Variants in UBTF observed in about 807,000 individuals in gnomAD.
The protein encoded by UBTF is nucleolar transcription factor 1.
A neutral mutation model predicts 112.3 loss-of-function variants in UBTF; 8 were observed. The observed-to-expected ratio is 0.07, with a 90% confidence interval of 0.04 to 0.13. UBTF has a LOEUF of 0.13. Ranked by LOEUF, UBTF falls within the 10% of genes least tolerant of loss-of-function variation. The pLI is 1.00. For missense variants in UBTF, 457 were observed against 982.1 expected (o/e 0.47, Z 7.15); for synonymous variants, 417 against 373.1 (o/e 1.12, Z -1.36).
Position 44,209,736 on chromosome 17 carries a change from G to A in UBTF, c.1627-3C>T, listed in dbSNP as rs561964090. 3.1e-6 allele frequency: 5 copies of A among 1,614,004 alleles called. No homozygotes were observed. The South Asian group carries it at 3.3e-5, about 11-fold the overall frequency. ...GCCCGCATCTCACTCAGCTCTCTCT[G>A]GAGGGAGAAAGGTCACGCTCACCCC... is the stretch of plus-strand genomic sequence containing the variant. On this transcript the variant is annotated splice_region_variant and splice_polypyrimidine_tract_variant and intron_variant, in intron 15 of 20. Coordinates refer to ENST00000436088, the MANE Select transcript of UBTF (RefSeq NM_014233.4).
Position 44,209,576 on chromosome 17 carries a change from C to T in UBTF, c.1716-35G>A, listed in dbSNP as rs372716400. 3.3e-5 allele frequency: 54 copies of T among 1,613,178 alleles called. No homozygotes were observed. The Middle Eastern group carries it at 6.6e-4, about 20-fold the overall frequency. The stretch of plus-strand genomic sequence containing the variant: ...GGGTTGGTAGAAGGAGGGTCAGGAC[C>T]CCAACAAAGCAGCCATCCAGCCCTG... On this transcript the variant is annotated intron_variant, in intron 16 of 20. Transcript: ENST00000436088.
rs73983959 is a variant in UBTF at position 44,213,411 on chromosome 17, C to T, written c.475-129G>A. 5.1e-3 allele frequency: 5,006 copies of T among 978,248 alleles called. 162 individuals carry two copies. The African/African-American group carries it at 0.07, about 14-fold the overall frequency. 60.6% of individuals were successfully genotyped at this position (978,248 alleles called of 1,614,324 possible). A position where few individuals can be genotyped will look rare whatever the true frequency, so the allele number is the denominator to read the frequency against. Reference sequence around the variant, plus strand: ...CTGTGATGCAGGGAGTGGAGGCTGGCGCCCTGCCCGCCTCCTGGCGGGACT... The same window carrying T: ...CTGTGATGCAGGGAGTGGAGGCTGGTGCCCTGCCCGCCTCCTGGCGGGACT... On this transcript the variant is annotated intron_variant, in intron 5 of 20. Transcript: ENST00000436088.
At position 44,210,166 on chromosome 17, in the gene UBTF, C is replaced by G. The variant is rs2056560144; in HGVS notation, c.1584G>C (p.Leu528=). The G allele has an allele frequency of 1.2e-6, 2 of 1,614,248 alleles. No individual in the cohort carries two copies. The highest frequency in any genetic ancestry group is 1.6e-4 in the Middle Eastern group (1 of 6,062). The part of the protein sequence containing the change: ...TWNNMEKKEK[L]MWIKKAAEDQ... ...CTTCGGCTGCCTTCTTAATCCACATCAGTTTCTCCTTCTTTTCCATGTTAT... is the reference window on the plus strand; with the variant it reads ...CTTCGGCTGCCTTCTTAATCCACATGAGTTTCTCCTTCTTTTCCATGTTAT... The change falls in exon 15 of 21, where the codon CTG becomes CTC. Residue 528 remains leucine, a synonymous_variant. Coordinates refer to ENST00000436088, the MANE Select transcript of UBTF (RefSeq NM_014233.4).
Position 44,209,738 on chromosome 17 carries a change from A to T in UBTF, c.1627-5T>A. The T allele has an allele frequency of 6.2e-7, 1 of 1,613,806 alleles. No homozygotes were observed. Among genetic ancestry groups the T allele is most frequent in the Non-Finnish European group, 8.5e-7 (1 of 1,179,914 alleles). ...CCGCATCTCACTCAGCTCTCTCTGG[A>T]GGGAGAAAGGTCACGCTCACCCCCC... On this transcript the variant is annotated splice_region_variant and splice_polypyrimidine_tract_variant and intron_variant, in intron 15 of 20. Coordinates refer to ENST00000436088, the MANE Select transcript of UBTF (RefSeq NM_014233.4).
Position 44,209,991 on chromosome 17 carries a change from A to G in UBTF, c.1626+133T>C. ...CACCCCCACCTTACTGATGAGAGAC[A>G]GAGGTTCAGAGAAGGAAGCTGAGAC... is the stretch of plus-strand genomic sequence containing the variant. On this transcript the variant is annotated intron_variant, in intron 15 of 20. Transcript: ENST00000436088. 1.0e-5 allele frequency: 10 copies of G among 972,350 alleles called. No homozygotes were observed. The South Asian group carries it at 1.3e-4, about 13-fold the overall frequency. The allele number at this position is 972,350 out of a possible 1,614,324, so 60.2% of individuals were successfully genotyped here.
intron 13 of UBTF, 95 bp from the exon 14 acceptor site, chr17:44,210,568 G>T: frequency 1.4e-6 from 2 of 1,446,382 alleles, no homozygotes; most frequent in Non-Finnish European, 1.8e-6. Context: ...GCGGGCAGAA[G>T]CATGGGCTGG....
intron 1 of UBTF, 199 bp from the exon 2 acceptor site, chr17:44,218,495 G>A (rs1392486277): frequency 2.2e-6 from 1 of 446,892 alleles, no homozygotes; most frequent in Admixed American, 4.6e-5. Context: ...CCTGCAGCCC[G>A]GCTCCGCGGC....
chr17:44,212,181 G>C, intron 8 of UBTF, 163 bp downstream of exon 8: 4 of 410,708 alleles, frequency 9.7e-6, no homozygotes, highest in Non-Finnish European at 1.8e-5. Context: ...ATCTCATGGG[G>C]GTGGGGGGTG....
rs959448498 is a variant in UBTF, at chr17:44,206,942, C to G, written c.*300G>C. On this transcript the variant is annotated 3_prime_UTR_variant, in exon 21 of 21. Transcript: ENST00000436088. ...CCCACTCTCCGGTCCATTGTCCATG[C>G]CGGAACCGCAAGTGCAGAAGTGGGT... 3 of 495,116 alleles carry G rather than the reference C, an allele frequency of 6.1e-6. No homozygotes were observed. The highest frequency in any genetic ancestry group is 1.1e-5 in the Non-Finnish European group (3 of 282,016). The allele number at this position is 495,116 out of a possible 1,614,324, so 30.7% of individuals were successfully genotyped here.
intron 7 of UBTF, 80 bp downstream of exon 7, chr17:44,212,739 C>A (rs973824830): frequency 1.8e-5 from 28 of 1,582,600 alleles, no homozygotes; most frequent in Admixed American, 6.8e-5. Flanking sequence ...TCCCCTGCAC[C>A]GTGCCCGGCC....
At position 44,210,479 on chromosome 17, in the gene UBTF, G is replaced by T; in HGVS notation, c.1360-6C>A. The T allele has an allele frequency of 6.3e-7, 1 of 1,596,092 alleles. No individual in the cohort carries two copies. Among genetic ancestry groups the T allele is most frequent in the East Asian group, 2.2e-5 (1 of 44,556 alleles). ...TCTCGGGCCTTGTACTTGGCCTGCG[G>T]GGATGGCCCGGGCGTCAGCCTTCCA... On this transcript the variant is annotated splice_region_variant and splice_polypyrimidine_tract_variant and intron_variant, in intron 13 of 20. Coordinates refer to ENST00000436088, the MANE Select transcript of UBTF (RefSeq NM_014233.4).
At position 44,215,822 on chromosome 17, in the gene UBTF, A is replaced by G. The variant is rs2046816134; in HGVS notation, c.319-13T>C. ...AGTCTGGGTGTTTCTGGAAGAAGGG[A>G]CAAGGACACAATGGAGGTCAAATAC... On this transcript the variant is annotated splice_polypyrimidine_tract_variant and intron_variant, in intron 4 of 20. Transcript: ENST00000436088. The G allele has an allele frequency of 1.2e-6, 2 of 1,614,094 alleles. No homozygotes were observed. The highest frequency in any genetic ancestry group is 2.2e-5 in the South Asian group (2 of 91,072).
chr17:44,216,906 A>G (rs1443767427), intron 2 of UBTF, among the ~76,000 whole-genome samples: 1 of 152,212 alleles, frequency 6.6e-6, no homozygotes, highest in African/African-American at 2.4e-5. Flanking sequence ...AGTCCAGACC[A>G]TGCTATACCT....
chr17:44,220,990 G>GCGC (rs1227820054), upstream of UBTF: 2 of 150,200 alleles, frequency 1.3e-5, no homozygotes, highest in East Asian at 1.9e-4. Flanking sequence ...AGCCGCCTCG[G>GCGC]CGCCGCCGCC....
chr17:44,210,354 T>C lies in UBTF; in HGVS notation c.1479A>G (p.Gln493=), dbSNP rs753469784. The change falls in exon 14 of 21, where the codon CAA becomes CAG. Residue 493 remains glutamine (Q), a synonymous_variant. Coordinates refer to ENST00000436088, the MANE Select transcript of UBTF (RefSeq NM_014233.4). ...CCAGGTAGTCGCCGATAACGCTCTG[T>C]TGCCAGATCTCCTCAGCTCTTTTGG... ...ESPKRAEEIW[Q]QSVIGDYLAR... 3.6e-5 allele frequency: 58 copies of C among 1,614,122 alleles called. No homozygotes were observed. Among genetic ancestry groups the C allele is most frequent in the Non-Finnish European group, 4.7e-5 (56 of 1,180,044 alleles).
upstream of UBTF, among the ~76,000 whole-genome samples, chr17:44,220,578 C>CG (rs1266030418): frequency 2.0e-5 from 3 of 152,016 alleles, no homozygotes; most frequent in Non-Finnish European, 1.5e-5. Context: ...ACCCCGGAAA[C>CG]GGCAAGGGAA....
At chr17:44,208,478 C>T (rs1467589442) in intron 17 of UBTF, 1 of 153,440 alleles carries the variant, frequency 6.5e-6, no homozygotes, top group African/African-American at 2.4e-5. Flanking sequence ...TTCACATTTT[C>T]CCTGTTGCTT....
chr17:44,207,987 C>A, intron 17 of UBTF, 76 bp from the exon 18 acceptor site: 3 of 1,591,244 alleles, frequency 1.9e-6, no homozygotes, highest in South Asian at 2.2e-5. Context: ...CAGTGCTAGG[C>A]AGTGGGCTGA....
rs906863093 is a variant in UBTF, at chr17:44,207,323, A to C, written c.2214T>G (p.Asp738Glu). The change falls in exon 21 of 21, where the codon GAT (aspartate) becomes GAG (glutamate). Residue 738 changes from aspartate to glutamate, a missense_variant. By Grantham distance (45) the Asp-to-Glu change is conservative. Around this residue, in one of 7 missense-constraint regions of UBTF, gnomAD observed 139 missense variants for 157.5 expected, o/e 0.88. Transcript: ENST00000436088. ...CCTCGGACTCATTATCTTCATCCTCATCGTCATCCTCGTCGTCGTCTTCGT... is the reference window on the plus strand; with the variant it reads ...CCTCGGACTCATTATCTTCATCCTCCTCGTCATCCTCGTCGTCGTCTTCGT... ...DEDEDDDEDD[D>E]EDEDNESEGS... 4.3e-6 allele frequency: 7 copies of C among 1,612,394 alleles called. No individual in the cohort carries two copies. In the African/African-American group the frequency reaches 9.4e-5, roughly 22 times the overall value.
Sources: gnomAD v4.1 joint callset for allele counts (sites outside exome capture counted in the v4.1 genomes callset) on GRCh38, gnomAD v4.1.1 for gene constraint, gnomAD v4.1.1 regional missense constraint, MANE v1.5 for transcripts, NCBI Gene and HGNC (gene_info 2026-07-23, HGNC 2026-07-21) for gene names.